The following CEBPZ variants were observed in gnomAD, a reference collection of about 807,000 sequenced individuals.
CEBPZ encodes the protein CCAAT/enhancer-binding protein zeta.
Under a neutral mutation model 104.5 loss-of-function variants are expected in CEBPZ, and 78 were observed. That is an observed-to-expected ratio of 0.75 (90% CI 0.62 to 0.90). The LOEUF (loss-of-function observed/expected upper bound fraction) is 0.90. Among genes scored for constraint, CEBPZ ranks in the 40% least tolerant of loss-of-function variants. The pLI is 0.00. For missense variants in CEBPZ, 1,439 were observed against 1,233.5 expected (o/e 1.17, Z -2.50); for synonymous variants, 470 against 427.0 (o/e 1.10, Z -1.24).
intron 2 of CEBPZ, among the ~76,000 whole-genome samples, chr2:37,225,520 T>C (rs1300455927): frequency 7.0e-6 from 1 of 143,008 alleles, no homozygotes; most frequent in African/African-American, 2.6e-5. Context: ...CGGTGCAAGA[T>C]GTGCTTTGTT....
At chr2:37,222,258 T>G in intron 4 of CEBPZ, 122 bp downstream of exon 4, 1 of 829,040 alleles carries the variant, frequency 1.2e-6, no homozygotes, top group Non-Finnish European at 1.7e-6. Context: ...CATTCCAGCC[T>G]GGGCAACAGA....
intron 13 of CEBPZ, among the ~76,000 whole-genome samples, chr2:37,207,684 G>A (rs1677584791): frequency 6.6e-6 from 1 of 152,126 alleles, no homozygotes; most frequent in Non-Finnish European, 1.5e-5. Context: ...AGCATTAAAT[G>A]TCTACATCAA....
At chr2:37,220,546 C>A in intron 4 of CEBPZ, 73 bp from the exon 5 acceptor site, 1 of 688,674 alleles carries the variant, frequency 1.5e-6, no homozygotes, top group Non-Finnish European at 2.4e-6. Context: ...AAAGCACCAC[C>A]ATTAATATTC....
chr2:37,220,880 C>G (rs556177350), intron 4 of CEBPZ, among the ~76,000 whole-genome samples: 5 of 152,120 alleles, frequency 3.3e-5, no homozygotes, highest in Admixed American at 3.3e-4. Flanking sequence ...GCCTGTAGTC[C>G]CAGCTATTCG....
Position 37,222,539 on chromosome 2 carries a change from T to C in CEBPZ, c.1906A>G (p.Ile636Val). ...HPESDDEENF[I>V]DANDDEDMEK... ...ATGTCTTCATCATCATTTGCATCAATAAAATTTTCTTCATCATCAGACTCC... is the reference window on the plus strand; with the variant it reads ...ATGTCTTCATCATCATTTGCATCAACAAAATTTTCTTCATCATCAGACTCC... The change falls in exon 4 of 16, where the codon ATT becomes GTT. Residue 636 changes from isoleucine (I) to valine (V), a missense_variant. Physicochemically the swap from Ile to Val is conservative, Grantham distance 29 (BLOSUM62 3). Coordinates refer to ENST00000234170, the MANE Select transcript of CEBPZ (RefSeq NM_005760.3). The C allele has an allele frequency of 2.5e-6, 4 of 1,587,660 alleles. No homozygotes were observed. The highest frequency in any genetic ancestry group is 2.6e-6 in the Non-Finnish European group (3 of 1,173,004).
intron 1 of CEBPZ, among the ~76,000 whole-genome samples, chr2:37,230,248 T>C (rs981297222): frequency 3.9e-5 from 6 of 152,202 alleles, no homozygotes; most frequent in Admixed American, 2.0e-4. Context: ...TAGGTGTATA[T>C]ATATGGTACC....
intron 5 of CEBPZ, among the ~76,000 whole-genome samples, chr2:37,220,057 G>C (rs1041166494): frequency 6.6e-6 from 1 of 152,166 alleles, no homozygotes; most frequent in Non-Finnish European, 1.5e-5. Flanking sequence ...AGTGGCTCAT[G>C]CCTGTAATCC....
Position 37,228,936 on chromosome 2 carries a change from G to T in CEBPZ, c.257C>A (p.Ala86Glu), listed in dbSNP as rs753188011. The T allele has an allele frequency of 1.5e-4, 244 of 1,611,400 alleles. 16 individuals are homozygous for T. In the South Asian group the frequency reaches 2.6e-3, roughly 17 times the overall value. ...IDDLQQGELE[A>E]FIQNLNLAKY... ...CGCCAAATTAAGATTTTGAATAAAT[G>T]CTTCCAATTCACCTTGCTGAAGGTC... Residue 86 changes from alanine (A) to glutamate (E), a missense_variant, in exon 2 of 16, where the codon GCA becomes GAA. Coordinates refer to ENST00000234170, the MANE Select transcript of CEBPZ (RefSeq NM_005760.3).
chr2:37,205,394 T>C (rs1285087590), intron 13 of CEBPZ, among the ~76,000 whole-genome samples: 1 of 152,176 alleles, frequency 6.6e-6, no homozygotes, highest in African/African-American at 2.4e-5. Flanking sequence ...TTCTCCTGGC[T>C]CATCCTGGCT....
At chr2:37,221,592 G>C (rs1217204633) in intron 4 of CEBPZ, among the ~76,000 whole-genome samples, 1 of 152,150 alleles carries the variant, frequency 6.6e-6, no homozygotes, top group Admixed American at 6.5e-5. Flanking sequence ...AGATTTTTCA[G>C]AACAAACTAG....
Position 37,222,310 on chromosome 2 carries a change from T to C in CEBPZ, c.2065+70A>G, listed in dbSNP as rs916915323. 50 of 1,236,944 alleles carry C rather than the reference T, an allele frequency of 4.0e-5. No individual in the cohort carries two copies. In the Middle Eastern group the frequency reaches 1.2e-3, roughly 29 times the overall value. 76.6% of individuals were successfully genotyped at this position (1,236,944 alleles called of 1,614,324 possible). A position where few individuals can be genotyped will look rare whatever the true frequency, so the allele number is the denominator to read the frequency against. On this transcript the variant is annotated intron_variant, in intron 4 of 15. Transcript: ENST00000234170. ...ATAAATAAATAAGTAAATAAAATGG[T>C]AGAATGCTATTTTCTATGAAAATCA...
rs552707802 is a variant in CEBPZ, at chr2:37,202,415, C to T, written c.3025+369G>A. ...ATCTCAGCACTTTGGGAGGCCGAGG[C>T]AGGCGGGTCACTTGAGGTCAGGAGT... On this transcript the variant is annotated intron_variant, in intron 15 of 15. Coordinates refer to ENST00000234170, the MANE Select transcript of CEBPZ (RefSeq NM_005760.3). The T allele has an allele frequency of 4.4e-4, 74 of 169,816 alleles. No individual in the cohort carries two copies. In the South Asian group the frequency reaches 9.7e-3, roughly 22 times the overall value. The allele number at this position is 169,816 out of a possible 1,614,324, so 10.5% of individuals were successfully genotyped here. A position where few individuals can be genotyped will look rare whatever the true frequency, so the allele number is the denominator to read the frequency against.
chr2:37,207,487 A>T (rs1177923582), intron 13 of CEBPZ, among the ~76,000 whole-genome samples: 4 of 152,330 alleles, frequency 2.6e-5, no homozygotes, highest in Non-Finnish European at 5.9e-5. Flanking sequence ...ATTGGAAATT[A>T]ACTCCAAAAG....
chr2:37,213,790 C>T, intron 10 of CEBPZ, 74 bp downstream of exon 10: 2 of 951,072 alleles, frequency 2.1e-6, no homozygotes, highest in Non-Finnish European at 1.6e-6. Context: ...AAGGCCACTT[C>T]TCCCACTAAT....
At chr2:37,207,914 A>G (rs1677593034) in intron 13 of CEBPZ, among the ~76,000 whole-genome samples, 1 of 152,166 alleles carries the variant, frequency 6.6e-6, no homozygotes, top group Non-Finnish European at 1.5e-5. Flanking sequence ...AGATTAACCA[A>G]AAAAAGAAGA....
At chr2:37,203,254 G>C in intron 13 of CEBPZ, 1 of 287,026 alleles carries the variant, frequency 3.5e-6, no homozygotes, top group Admixed American at 5.1e-5. Flanking sequence ...TTTCAGATTT[G>C]GCCACTGATC....
intron 13 of CEBPZ, among the ~76,000 whole-genome samples, chr2:37,205,421 G>A (rs1418250528): frequency 6.6e-6 from 1 of 152,068 alleles, no homozygotes; most frequent in East Asian, 1.9e-4. Flanking sequence ...CTCCCCTACT[G>A]AGCACCTTGT....
At chr2:37,208,076 T>A (rs747483019) in intron 13 of CEBPZ, among the ~76,000 whole-genome samples, 1 of 152,030 alleles carries the variant, frequency 6.6e-6, no homozygotes, top group Non-Finnish European at 1.5e-5. Flanking sequence ...CCTGGAAATA[T>A]ACAACCCTTC....
At chr2:37,206,796 A>G (rs1677553739) in intron 13 of CEBPZ, among the ~76,000 whole-genome samples, 1 of 152,224 alleles carries the variant, frequency 6.6e-6, no homozygotes, top group Admixed American at 6.5e-5. Context: ...TAGCATGATG[A>G]ATAGAATAGT....
Sources: allele counts gnomAD v4.1 joint callset (sites outside exome capture counted in the v4.1 genomes callset), GRCh38; gene constraint gnomAD v4.1.1; transcripts MANE v1.5; gene names NCBI Gene and HGNC (gene_info 2026-07-23, HGNC 2026-07-21).